The following FAM184A variants were observed in gnomAD, a reference collection of about 807,000 sequenced individuals.
FAM184A encodes the protein protein FAM184A.
Under a neutral mutation model 143.8 loss-of-function variants are expected in FAM184A, and 99 were observed. The observed-to-expected ratio is 0.69, with a 90% CI of 0.58 to 0.81. FAM184A has a LOEUF of 0.81. Ranked by LOEUF, FAM184A falls within the 40% of genes least tolerant of loss-of-function variation. FAM184A has a pLI of 0.00. For missense variants in FAM184A, 1,217 were observed against 1,310.5 expected (o/e 0.93, Z 1.10); for synonymous variants, 427 against 446.4 (o/e 0.96, Z 0.55).
chr6:119,101,147 C>G (rs1421960629), intron 1 of FAM184A, among the ~76,000 whole-genome samples: 1 of 148,800 alleles, frequency 6.7e-6, no homozygotes, highest in South Asian at 2.1e-4. Context: ...GCTCACTGCA[C>G]CCTCCACCTC....
At chr6:118,965,538 A>G (rs1379540065) in intron 15 of FAM184A, among the ~76,000 whole-genome samples, 1 of 152,178 alleles carries the variant, frequency 6.6e-6, no homozygotes, top group East Asian at 1.9e-4. Flanking sequence ...AGTAAATACA[A>G]CAGTGTGTGG....
intron 9 of FAM184A, among the ~76,000 whole-genome samples, chr6:118,984,139 A>G (rs1414260697): frequency 6.2e-5 from 8 of 128,296 alleles, no homozygotes; most frequent in African/African-American, 5.8e-5. Flanking sequence ...AATGATAACG[A>G]AACTCCATTT....
At chr6:118,995,195 T>A (rs1293357336) in intron 9 of FAM184A, among the ~76,000 whole-genome samples, 1 of 151,992 alleles carries the variant, frequency 6.6e-6, no homozygotes, top group Admixed American at 6.6e-5. Flanking sequence ...AGGCAGTGGA[T>A]CGCTTGAGCC....
intron 1 of FAM184A, among the ~76,000 whole-genome samples, chr6:119,141,954 CCTGT>C (rs1202139240): frequency 1.2e-4 from 18 of 152,192 alleles, no homozygotes; most frequent in Admixed American, 3.3e-4. Context: ...CACAACAAAT[CCTGT>C]CTAAGCCCAA....
chr6:118,979,324 G>T, intron 11 of FAM184A, 41 bp downstream of exon 11: 1 of 1,531,808 alleles, frequency 6.5e-7, no homozygotes, highest in Non-Finnish European at 8.8e-7. Flanking sequence ...TGTTAAAAAT[G>T]TACATATGAA....
At chr6:119,078,724 A>G (rs1249445825), upstream of FAM184A, 2 of 153,808 alleles carry the variant, frequency 1.3e-5, no homozygotes, top group Non-Finnish European at 2.9e-5. The surrounding 1 kb of genome is among the most constrained non-coding windows in gnomAD (Gnocchi z 5.5). Context: ...ATGGAGGAGG[A>G]CGCGGGAGCC....
At chr6:119,131,134 C>T (rs1347839131) in intron 1 of FAM184A, among the ~76,000 whole-genome samples, 3 of 152,122 alleles carry the variant, frequency 2.0e-5, no homozygotes, top group African/African-American at 7.2e-5. Flanking sequence ...GTTGGGATTA[C>T]AGGTGTGAGC....
At chr6:119,091,483 A>T (rs1788366184) in intron 1 of FAM184A, among the ~76,000 whole-genome samples, 1 of 152,164 alleles carries the variant, frequency 6.6e-6, no homozygotes, top group African/African-American at 2.4e-5. Context: ...CAACTTGTGG[A>T]TACTGTGGTA....
At position 119,078,553 on chromosome 6, in the gene FAM184A, G is replaced by C; in HGVS notation, c.-254C>G. 1 of 291,712 alleles carries C rather than the reference G, an allele frequency of 3.4e-6. No homozygotes were observed. Among genetic ancestry groups the C allele is most frequent in the Non-Finnish European group, 6.3e-6 (1 of 158,484 alleles). 18.1% of individuals were successfully genotyped at this position (291,712 alleles called of 1,614,324 possible). ...TGCCCGGGGTTGGGCGGCGGCGGCC[G>C]GGGGCCGGGCCAGCTCTTGGAGGCT... On this transcript the variant is annotated 5_prime_UTR_variant, in exon 1 of 18. Coordinates refer to ENST00000338891, the MANE Select transcript of FAM184A (RefSeq NM_024581.6). This position sits in a 1 kb window ranked among gnomAD's most constrained non-coding sequence, Gnocchi z 5.5.
In FAM184A at chr6:118,968,823, C is replaced by CT. The variant is rs1286031206; in HGVS notation, c.2916-1872dup. Reference sequence around the variant, plus strand: ...GCAATCAGTTACAATCTCTGAACCACTTTTTTTTGCATAATAAAGGTCTAT... The same window carrying CT: ...GCAATCAGTTACAATCTCTGAACCACTTTTTTTTTGCATAATAAAGGTCTAT... On this transcript the variant is annotated intron_variant, in intron 14 of 17. Transcript: ENST00000338891. Among the ~76,000 whole-genome samples, 4 of 48,430 alleles carry CT rather than the reference C, an allele frequency of 8.3e-5. No homozygotes were observed. In the Admixed American group the frequency reaches 9.0e-4, roughly 11 times the overall value. 31.8% of individuals were successfully genotyped at this position (48,430 alleles called of 152,430 possible).
chr6:118,968,479 A>G (rs1247295041), intron 14 of FAM184A, among the ~76,000 whole-genome samples: 4 of 152,246 alleles, frequency 2.6e-5, no homozygotes, highest in Admixed American at 2.6e-4. Flanking sequence ...GTTAACTCAA[A>G]TAAAGTGACC....
intron 1 of FAM184A, among the ~76,000 whole-genome samples, chr6:119,128,716 A>C (rs1399760851): frequency 5.9e-5 from 9 of 152,016 alleles, no homozygotes. Flanking sequence ...TTCTAACCTG[A>C]CTCTGGTATA....
chr6:118,999,350 T>C (rs1784678208), intron 9 of FAM184A, among the ~76,000 whole-genome samples: 1 of 152,174 alleles, frequency 6.6e-6, no homozygotes, highest in Admixed American at 6.5e-5. Context: ...GTTATTCTCT[T>C]TTCCACAAAC....
intron 1 of FAM184A, among the ~76,000 whole-genome samples, chr6:119,131,108 C>T (rs2114875847): frequency 6.6e-6 from 1 of 152,234 alleles, no homozygotes; most frequent in South Asian, 2.1e-4. Flanking sequence ...ATCCACCCTT[C>T]TCTGCCTCCC....
At chr6:119,015,521 T>A (rs1353855999) in intron 5 of FAM184A, among the ~76,000 whole-genome samples, 1 of 152,182 alleles carries the variant, frequency 6.6e-6, no homozygotes, top group Admixed American at 6.5e-5. Context: ...AGCCCACCGA[T>A]GCTGCACTCG....
intron 1 of FAM184A, among the ~76,000 whole-genome samples, chr6:119,111,566 G>A (rs190471603): frequency 8.5e-5 from 13 of 152,310 alleles, no homozygotes; most frequent in Admixed American, 3.9e-4. Context: ...AGCTGATTCC[G>A]TAGACCACAG....
Position 119,078,426 on chromosome 6 carries a change from T to A in FAM184A, c.-127A>T. The stretch of plus-strand genomic sequence containing the variant: ...ACCCGACACCCGGCGCCCCCCAGAC[T>A]CGGCCGCAGGCGCCGTCCCACCCGC... On this transcript the variant is annotated 5_prime_UTR_variant, in exon 1 of 18. Transcript: ENST00000338891. The surrounding 1 kb of genome is among the most constrained non-coding windows in gnomAD (Gnocchi z 5.5). The A allele has an allele frequency of 1.0e-6, 1 of 995,802 alleles. No homozygotes were observed. Among genetic ancestry groups the A allele is most frequent in the Non-Finnish European group, 1.4e-6 (1 of 736,680 alleles). The allele number at this position is 995,802 out of a possible 1,614,324, so 61.7% of individuals were successfully genotyped here. A position where few individuals can be genotyped will look rare whatever the true frequency, so the allele number is the denominator to read the frequency against.
chr6:119,041,742 T>C (rs946093821), intron 1 of FAM184A, among the ~76,000 whole-genome samples: 2 of 152,186 alleles, frequency 1.3e-5, no homozygotes, highest in African/African-American at 4.8e-5. Context: ...ACTGTGCTCC[T>C]GATCCAGTGA....
At chr6:118,999,380 T>C (rs1158388603) in intron 9 of FAM184A, among the ~76,000 whole-genome samples, 2 of 152,212 alleles carry the variant, frequency 1.3e-5, no homozygotes, top group Non-Finnish European at 2.9e-5. Flanking sequence ...AATCTCATAG[T>C]TTACCAAGTA....
Sources: allele counts gnomAD v4.1 joint callset (sites outside exome capture counted in the v4.1 genomes callset), GRCh38; gene constraint gnomAD v4.1.1; non-coding constraint Gnocchi (gnomAD v3.1); transcripts MANE v1.5; gene names NCBI Gene and HGNC (gene_info 2026-07-23, HGNC 2026-07-21).